The following SP100 variants were observed in gnomAD, a reference collection of about 807,000 sequenced individuals.
SP100 encodes the protein SP100 nuclear body protein, also known as nuclear autoantigen Sp-100.
SP100 carries 84 observed loss-of-function variants against 130.0 expected under a neutral mutation model. That is an observed-to-expected ratio of 0.65 (90% CI 0.54 to 0.77). SP100 has a LOEUF of 0.77. Ranked by LOEUF, SP100 falls within the 30% of genes least tolerant of loss-of-function variation. SP100 has a pLI of 0.00. For synonymous variants in SP100, 331 were observed against 351.7 expected, an observed-to-expected ratio of 0.94 and a Z score of 0.66; for missense variants, 978 against 1,052.2, an observed-to-expected ratio of 0.93 and a Z score of 0.97.
chr2:230,494,523 C>A, intron 18 of SP100, 63 bp downstream of exon 18: 1 of 1,261,388 alleles, frequency 7.9e-7, no homozygotes, highest in Non-Finnish European at 1.2e-6. Context: ...TCCTGCCAGA[C>A]CCCATCTTTG....
intron 17 of SP100, among the ~76,000 whole-genome samples, chr2:230,482,622 A>G (rs1343425908): frequency 6.6e-6 from 1 of 151,900 alleles, no homozygotes; most frequent in African/African-American, 2.4e-5. Flanking sequence ...ATTTTTACCA[A>G]CCTGGATAAC....
In SP100 at chr2:230,515,716, A is replaced by G; in HGVS notation, c.2094+4550A>G. 6 of 1,526,286 alleles carry G rather than the reference A, an allele frequency of 3.9e-6. No homozygotes were observed. The South Asian group carries it at 6.7e-5, about 17-fold the overall frequency. 94.5% of individuals were successfully genotyped at this position (1,526,286 alleles called of 1,614,324 possible). ...GTACACAACTCACTCCTTTTAAAGA[A>G]AAAAACTTCAACGTAAGACTGTGTA... On this transcript the variant is annotated intron_variant, in intron 24 of 28. Transcript: ENST00000340126.
chr2:230,535,626 T>C (rs1435193956), intron 24 of SP100, among the ~76,000 whole-genome samples: 20 of 152,044 alleles, frequency 1.3e-4, no homozygotes, highest in Admixed American at 1.3e-3. Context: ...ATCTGTTTTC[T>C]GCTGGGTGTG....
intron 2 of SP100, among the ~76,000 whole-genome samples, chr2:230,441,269 T>TCA (rs2063457973): frequency 6.6e-6 from 1 of 152,172 alleles, no homozygotes; most frequent in African/African-American, 2.4e-5. Flanking sequence ...ACATATCACA[T>TCA]CACACACACT....
At chr2:230,502,019 C>T (rs1047202525) in intron 19 of SP100, among the ~76,000 whole-genome samples, 1 of 151,408 alleles carries the variant, frequency 6.6e-6, no homozygotes, top group Admixed American at 6.6e-5. Context: ...CAGGCACATA[C>T]CACCACACCC....
At chr2:230,515,693 A>C in intron 24 of SP100, 1 of 1,548,294 alleles carries the variant, frequency 6.5e-7, no homozygotes, top group Non-Finnish European at 8.6e-7. Flanking sequence ...AGCTGCCTGT[A>C]CACAACTCAC....
At chr2:230,536,346 A>G (rs963120923) in intron 24 of SP100, among the ~76,000 whole-genome samples, 8 of 152,202 alleles carry the variant, frequency 5.3e-5, no homozygotes, top group African/African-American at 1.9e-4. Context: ...TAAACAGAAA[A>G]GGGGCACTGA....
At chr2:230,439,020 T>C (rs1159709710) in intron 2 of SP100, among the ~76,000 whole-genome samples, 1 of 152,192 alleles carries the variant, frequency 6.6e-6, no homozygotes, top group African/African-American at 2.4e-5. Context: ...ATCTATCATG[T>C]TTTTATTTTT....
chr2:230,525,581 C>T (rs554830358), intron 24 of SP100, among the ~76,000 whole-genome samples: 6 of 152,260 alleles, frequency 3.9e-5, no homozygotes, highest in Admixed American at 1.3e-4. Context: ...CTGCAGCCTA[C>T]AGAGGGCAAG....
rs1333523200 is a variant in SP100 at position 230,459,230 on chromosome 2, T to G, written c.821-2032T>G. Among the ~76,000 whole-genome samples, 3 of 151,956 alleles carry G rather than the reference T, an allele frequency of 2.0e-5. No homozygotes were observed. The East Asian group carries it at 5.8e-4, about 29-fold the overall frequency. On this transcript the variant is annotated intron_variant, in intron 8 of 28. Coordinates refer to ENST00000340126, the MANE Select transcript of SP100 (RefSeq NM_001080391.2). The stretch of plus-strand genomic sequence containing the variant: ...AGAAAATGAGTTAAAGGACAATGAA[T>G]GAAAAATTGGTAGAGAGTGGATCAT...
chr2:230,532,578 G>T (rs934696013), intron 24 of SP100, among the ~76,000 whole-genome samples: 8 of 151,272 alleles, frequency 5.3e-5, no homozygotes. Flanking sequence ...TTGATCCCAA[G>T]CCTTCTATCA....
intron 2 of SP100, among the ~76,000 whole-genome samples, chr2:230,424,176 G>A (rs1322157279): frequency 6.6e-6 from 1 of 152,154 alleles, no homozygotes; most frequent in Admixed American, 6.5e-5. Flanking sequence ...GCTGATACAG[G>A]TTCTTGTCCT....
intron 8 of SP100, among the ~76,000 whole-genome samples, chr2:230,451,635 GC>G (rs1418187797): frequency 4.6e-5 from 7 of 152,200 alleles, no homozygotes; most frequent in Non-Finnish European, 1.0e-4. Flanking sequence ...CTATGCAGAA[GC>G]TTTTTAGTTT....
At chr2:230,519,636 G>T (rs1393879938) in intron 24 of SP100, among the ~76,000 whole-genome samples, 2 of 152,126 alleles carry the variant, frequency 1.3e-5, no homozygotes, top group African/African-American at 4.8e-5. Context: ...AAGGGAGAAA[G>T]CTTCTGAAGT....
At position 230,439,817 on chromosome 2, in the gene SP100, C is replaced by A. The variant is rs865961241; in HGVS notation, c.108-3120C>A. Among the ~76,000 whole-genome samples, 20 of 152,188 alleles carry A rather than the reference C, an allele frequency of 1.3e-4. 1 individual carries two copies. The Middle Eastern group carries it at 0.017, about 129-fold the overall frequency. On this transcript the variant is annotated intron_variant, in intron 2 of 28. Transcript: ENST00000340126. The stretch of plus-strand genomic sequence containing the variant: ...TTACCGATTAGGATGCCCTTTATTT[C>A]TTTCTTTTGTCTGACTGCTCGGGCT...
chr2:230,449,812 AAG>A, intron 7 of SP100, 102 bp downstream of exon 7: 3 of 1,227,078 alleles, frequency 2.4e-6, no homozygotes, highest in Non-Finnish European at 3.5e-6. Context: ...CCTGTTTAAC[AAG>A]CAGGGGAAAA....
chr2:230,495,120 T>G (rs1206511557), intron 18 of SP100, among the ~76,000 whole-genome samples: 1 of 152,132 alleles, frequency 6.6e-6, no homozygotes, highest in Non-Finnish European at 1.5e-5. Flanking sequence ...CTGAGATGCA[T>G]TACAGAGATA....
At chr2:230,493,688 T>C (rs1283815258) in intron 17 of SP100, 2 of 152,204 alleles carry the variant, frequency 1.3e-5, no homozygotes, top group East Asian at 3.8e-4. Flanking sequence ...GTTCTGGCTG[T>C]TATAAACACA....
At chr2:230,526,829 T>C (rs1224426282) in intron 24 of SP100, among the ~76,000 whole-genome samples, 1 of 152,022 alleles carries the variant, frequency 6.6e-6, no homozygotes, top group East Asian at 1.9e-4. Flanking sequence ...ATATCAGTGA[T>C]TGAAGATCAA....
Sources: gnomAD v4.1 joint callset for allele counts (sites outside exome capture counted in the v4.1 genomes callset) on GRCh38, gnomAD v4.1.1 for gene constraint, MANE v1.5 for transcripts, NCBI Gene and HGNC (gene_info 2026-07-23, HGNC 2026-07-21) for gene names.